The following CTNNA1 variants were observed in gnomAD, a reference collection of about 807,000 sequenced individuals.
CTNNA1 encodes the protein catenin alpha 1.
Under a neutral mutation model 98.4 loss-of-function variants are expected in CTNNA1, and 37 were observed. The observed-to-expected ratio is 0.38, with a 90% CI of 0.29 to 0.49. The LOEUF is 0.49. CTNNA1 is among the 20% of genes least tolerant of loss of function. The pLI, the probability that CTNNA1 is intolerant of heterozygous loss-of-function variation, is 0.95. For synonymous variants in CTNNA1, 404 were observed against 413.2 expected (o/e 0.98, Z 0.27); for missense variants, 761 against 1,147.2 (o/e 0.66, Z 4.86).
At position 138,842,958 on chromosome 5, in the gene CTNNA1, A is replaced by G. The variant is rs545282614; in HGVS notation, c.1062+15240A>G. Reference sequence around the variant, plus strand: ...GGTTTTTCTATCCAATGCTCCATTAACCATTTTCTTAAAACCACTCTGAAC... The same window carrying G: ...GGTTTTTCTATCCAATGCTCCATTAGCCATTTTCTTAAAACCACTCTGAAC... On this transcript the variant is annotated intron_variant, in intron 7 of 17. Transcript: ENST00000302763. 1.8e-4 allele frequency among the ~76,000 whole-genome samples: 27 copies of G among 152,352 alleles called. No homozygotes were observed. In the South Asian group the frequency reaches 5.2e-3, roughly 29 times the overall value.
Position 138,824,761 on chromosome 5 carries a change from G to A in CTNNA1, c.820G>A (p.Gly274Arg), listed in dbSNP as rs1243048088. 6.2e-7 allele frequency: 1 copy of A among 1,614,080 alleles called. No individual in the cohort carries two copies. The highest frequency in any genetic ancestry group is 1.7e-5 in the Admixed American group (1 of 60,018). ...SDDASQHQGG[G>R]GGELAYALNN... is the part of the protein sequence containing the mutation. ...CGATGCCTCACAGCACCAGGGTGGAGGAGGAGGAGAACTGGCATATGCACT... is the reference window on the plus strand; with the variant it reads ...CGATGCCTCACAGCACCAGGGTGGAAGAGGAGGAGAACTGGCATATGCACT... The change falls in exon 6 of 18, where the codon GGA becomes AGA. Residue 274 changes from glycine to arginine, a missense_variant. Transcript: ENST00000302763.
At chr5:138,885,714 T>G (rs1181329434) in intron 7 of CTNNA1, among the ~76,000 whole-genome samples, 1 of 152,170 alleles carries the variant, frequency 6.6e-6, no homozygotes, top group East Asian at 1.9e-4. Context: ...ATAATAAACA[T>G]TATTAGCTCT....
intron 3 of CTNNA1, among the ~76,000 whole-genome samples, chr5:138,785,251 C>T (rs868625773): frequency 4.0e-5 from 6 of 151,208 alleles, no homozygotes; most frequent in Admixed American, 6.6e-5. Context: ...TTAGTAGAGA[C>T]GGGGTTTCAC....
rs10051757 is a variant in CTNNA1, at chr5:138,786,527, C to G, written c.301+3155C>G. ...GCCTAACCCTTGAACATGGGTTGAACTTAGTGATTCCTACAATGACTAGAA... is the reference window on the plus strand; with the variant it reads ...GCCTAACCCTTGAACATGGGTTGAAGTTAGTGATTCCTACAATGACTAGAA... On this transcript the variant is annotated intron_variant, in intron 3 of 17. Transcript: ENST00000302763. 6.9e-3 allele frequency among the ~76,000 whole-genome samples: 1,046 copies of G among 152,238 alleles called. 13 individuals carry two copies. Among genetic ancestry groups the G allele is most frequent in the African/African-American group, 0.023 (972 of 41,550 alleles).
chr5:138,867,253 T>C (rs1764873388), intron 7 of CTNNA1, among the ~76,000 whole-genome samples: 1 of 152,218 alleles, frequency 6.6e-6, no homozygotes, highest in African/African-American at 2.4e-5. Flanking sequence ...ATTCCTGGTG[T>C]GAGAGTTCTC....
chr5:138,763,100 T>G (rs1752546725), intron 1 of CTNNA1, among the ~76,000 whole-genome samples: 1 of 16,084 alleles, frequency 6.2e-5, no homozygotes, highest in African/African-American at 1.5e-4. Context: ...TATTGCTATG[T>G]TTTTTTTTGT....
At chr5:138,771,374 T>C (rs1427311565) in intron 1 of CTNNA1, among the ~76,000 whole-genome samples, 2 of 151,952 alleles carry the variant, frequency 1.3e-5, no homozygotes, top group Non-Finnish European at 2.9e-5. Flanking sequence ...TTTATTATTA[T>C]TATTTATTTA....
intron 9 of CTNNA1, among the ~76,000 whole-genome samples, chr5:138,896,178 C>T (rs1186604823): frequency 2.6e-5 from 4 of 152,156 alleles, no homozygotes; most frequent in Non-Finnish European, 5.9e-5. Flanking sequence ...CTCTAGTCCC[C>T]CTGTGTGTAC....
At chr5:138,932,257 G>T in intron 16 of CTNNA1, 1 of 1,135,102 alleles carries the variant, frequency 8.8e-7, no homozygotes. Context: ...GCCGTTTGGG[G>T]TGAGGGGATC....
chr5:138,930,746 G>A, intron 15 of CTNNA1, 84 bp from the exon 16 acceptor site: 1 of 1,536,092 alleles, frequency 6.5e-7, no homozygotes, highest in South Asian at 1.1e-5. Context: ...CCAGGCCATG[G>A]GGCTTTGTGG....
At chr5:138,782,798 C>G (rs1483623893) in intron 2 of CTNNA1, among the ~76,000 whole-genome samples, 1 of 152,186 alleles carries the variant, frequency 6.6e-6, no homozygotes, top group African/African-American at 2.4e-5. Context: ...AGTTTGAAAA[C>G]AGTGGCAGTG....
chr5:138,859,446 TTA>T (rs1452535694), intron 7 of CTNNA1, among the ~76,000 whole-genome samples: 1 of 152,196 alleles, frequency 6.6e-6, no homozygotes, highest in Non-Finnish European at 1.5e-5. Flanking sequence ...ACTTCTAAAT[TTA>T]TGTTTCCAGC....
chr5:138,840,439 A>G (rs565000755), intron 7 of CTNNA1, among the ~76,000 whole-genome samples: 4 of 152,260 alleles, frequency 2.6e-5, no homozygotes, highest in Non-Finnish European at 5.9e-5. Context: ...ACGTAAAACT[A>G]TAAAATGTAT....
At chr5:138,917,668 C>T (rs1762073068) in intron 10 of CTNNA1, 74 bp from the exon 11 acceptor site, 2 of 1,480,102 alleles carry the variant, frequency 1.4e-6, no homozygotes, top group South Asian at 1.2e-5. Flanking sequence ...TGTGATGTCT[C>T]CTAGTGAAAT....
chr5:138,886,185 A>G, intron 7 of CTNNA1, 27 bp from the exon 8 acceptor site: 1 of 1,604,104 alleles, frequency 6.2e-7, no homozygotes, highest in Non-Finnish European at 8.5e-7. Flanking sequence ...AATGAATAAA[A>G]TGCTCATCTC....
intron 5 of CTNNA1, among the ~76,000 whole-genome samples, chr5:138,819,434 C>T (rs1198489096): frequency 1.3e-5 from 2 of 152,170 alleles, no homozygotes; most frequent in African/African-American, 4.8e-5. Flanking sequence ...GCCTGTACGG[C>T]GAATGTCTCT....
chr5:138,900,013 T>G (rs1339755196), intron 9 of CTNNA1, among the ~76,000 whole-genome samples: 1 of 152,204 alleles, frequency 6.6e-6, no homozygotes, highest in Non-Finnish European at 1.5e-5. Context: ...CCAACACCTT[T>G]CCCTGGAAAT....
At chr5:138,929,613 G>A (rs570780280) in intron 14 of CTNNA1, among the ~76,000 whole-genome samples, 1 of 152,194 alleles carries the variant, frequency 6.6e-6, no homozygotes, top group South Asian at 2.1e-4. Flanking sequence ...GGTCAGGGAA[G>A]GGCTAAGATT....
intron 1 of CTNNA1, chr5:138,754,965 C>A (rs986416411): frequency 2.0e-5 from 3 of 152,078 alleles, no homozygotes; most frequent in African/African-American, 7.2e-5. Context: ...GCTGTCTTGC[C>A]CAAGCTGGTC....
Sources: allele counts gnomAD v4.1 joint callset (sites outside exome capture counted in the v4.1 genomes callset), GRCh38; gene constraint gnomAD v4.1.1; transcripts MANE v1.5; gene names NCBI Gene and HGNC (gene_info 2026-07-23, HGNC 2026-07-21).